Variants in SPON1 observed in about 807,000 individuals in gnomAD.
SPON1 encodes the protein spondin 1.
A neutral mutation model predicts 111.7 loss-of-function variants in SPON1; 52 were observed. That is an observed-to-expected ratio of 0.47 (90% CI 0.37 to 0.59). The LOEUF (loss-of-function observed/expected upper bound fraction) is 0.59. SPON1 is among the 20% of genes least tolerant of loss of function. The probability of loss-of-function intolerance (pLI) is 0.00; values close to 1 mark genes in which losing one functional copy is unlikely to be tolerated. For missense variants in SPON1, 957 were observed against 1,068.5 expected (o/e 0.90, Z 1.46); for synonymous variants, 410 against 395.8 (o/e 1.04, Z -0.43).
intron 2 of SPON1, among the ~76,000 whole-genome samples, chr11:14,019,023 A>G (rs1848462766): frequency 6.6e-6 from 1 of 152,210 alleles, no homozygotes; most frequent in African/African-American, 2.4e-5. Flanking sequence ...AGAGAAGTAC[A>G]AGTCCAAAGA....
chr11:14,059,048 G>A (rs797028827), intron 3 of SPON1, among the ~76,000 whole-genome samples: 6 of 152,296 alleles, frequency 3.9e-5, no homozygotes, highest in African/African-American at 1.4e-4. Flanking sequence ...GATCTTACAA[G>A]CTGTGTCTGT....
chr11:14,043,016 A>T (rs947231944), intron 3 of SPON1, among the ~76,000 whole-genome samples: 2 of 152,238 alleles, frequency 1.3e-5, no homozygotes, highest in Admixed American at 1.3e-4. Context: ...CTGGTCATTA[A>T]GAAAAAATCA....
chr11:14,206,440 C>T (rs781949510), intron 6 of SPON1, among the ~76,000 whole-genome samples: 5 of 152,190 alleles, frequency 3.3e-5, no homozygotes, highest in Non-Finnish European at 5.9e-5. Flanking sequence ...ATCCGCCCAC[C>T]TCAGCCTCCC....
At chr11:14,148,970 C>T (rs150166365) in intron 6 of SPON1, among the ~76,000 whole-genome samples, 5 of 152,352 alleles carry the variant, frequency 3.3e-5, no homozygotes, top group African/African-American at 1.2e-4. Flanking sequence ...CGACAGACTG[C>T]ATCCATGACA....
chr11:14,105,281 C>T (rs1564906358), intron 5 of SPON1, among the ~76,000 whole-genome samples: 1 of 152,116 alleles, frequency 6.6e-6, no homozygotes, highest in Non-Finnish European at 1.5e-5. Flanking sequence ...ACTCCTATCT[C>T]TTCCAGAGCA....
intron 5 of SPON1, among the ~76,000 whole-genome samples, chr11:14,085,502 T>G (rs1848999134): frequency 6.6e-6 from 1 of 152,164 alleles, no homozygotes; most frequent in African/African-American, 2.4e-5. Context: ...GTTCCATTGA[T>G]CTATATATCT....
At chr11:14,044,644 A>G (rs1290845536) in intron 3 of SPON1, among the ~76,000 whole-genome samples, 2 of 152,064 alleles carry the variant, frequency 1.3e-5, no homozygotes, top group Non-Finnish European at 2.9e-5. Flanking sequence ...AATCCATAGC[A>G]TCTCTCTCAA....
intron 2 of SPON1, among the ~76,000 whole-genome samples, chr11:14,033,108 T>C (rs1848570944): frequency 6.6e-6 from 1 of 152,144 alleles, no homozygotes; most frequent in Non-Finnish European, 1.5e-5. Flanking sequence ...AAGACTAGCC[T>C]CTCCTGCTCA....
intron 2 of SPON1, among the ~76,000 whole-genome samples, chr11:14,035,058 T>C (rs1554916472): frequency 1.3e-5 from 2 of 152,166 alleles, no homozygotes; most frequent in African/African-American, 4.8e-5. Context: ...TAAGAACCTG[T>C]TAAGAAAATA....
At chr11:14,223,318 TAC>T (rs1848701263) in intron 6 of SPON1, among the ~76,000 whole-genome samples, 1 of 152,048 alleles carries the variant, frequency 6.6e-6, no homozygotes, top group South Asian at 2.1e-4. Flanking sequence ...GAGCCAAGAT[TAC>T]ACCACTGCAC....
chr11:14,148,598 C>T (rs76878277), intron 6 of SPON1, among the ~76,000 whole-genome samples: 1 of 152,216 alleles, frequency 6.6e-6, no homozygotes, highest in Non-Finnish European at 1.5e-5. Flanking sequence ...AAGAGAGCTA[C>T]AGTCCACCTG....
intron 3 of SPON1, among the ~76,000 whole-genome samples, chr11:14,044,116 A>ATTCC (rs1591360043): frequency 6.6e-6 from 1 of 152,258 alleles, no homozygotes; most frequent in East Asian, 1.9e-4. Flanking sequence ...TAAAGTCATG[A>ATTCC]ATCCATGTAA....
chr11:14,160,926 T>C (rs1847934538), intron 6 of SPON1, among the ~76,000 whole-genome samples: 1 of 33,712 alleles, frequency 3.0e-5, no homozygotes, highest in African/African-American at 1.3e-4. Context: ...TTTATATATT[T>C]ATATATTTAT....
At chr11:14,010,253 AG>A (rs1487848482) in intron 2 of SPON1, among the ~76,000 whole-genome samples, 3 of 152,172 alleles carry the variant, frequency 2.0e-5, no homozygotes, top group Non-Finnish European at 4.4e-5. Flanking sequence ...GACAGAGGGC[AG>A]GCTGGATATC....
intron 2 of SPON1, among the ~76,000 whole-genome samples, chr11:13,993,141 A>G (rs561865912): frequency 6.6e-6 from 1 of 152,088 alleles, no homozygotes; most frequent in African/African-American, 2.4e-5. Context: ...CACAAAATAC[A>G]AACACAACAA....
intron 2 of SPON1, among the ~76,000 whole-genome samples, chr11:13,985,763 T>G (rs547985257): frequency 3.9e-5 from 6 of 152,344 alleles, no homozygotes; most frequent in Non-Finnish European, 7.3e-5. Flanking sequence ...GTTCACTAAG[T>G]TGACTAAGAC....
At chr11:14,150,608 A>C (rs1847775428) in intron 6 of SPON1, among the ~76,000 whole-genome samples, 2 of 152,172 alleles carry the variant, frequency 1.3e-5, no homozygotes, top group South Asian at 4.1e-4. Flanking sequence ...AATAATAATA[A>C]AAGATAAAAG....
intron 13 of SPON1, 90 bp from the exon 14 acceptor site, chr11:14,260,498 G>A: frequency 7.1e-7 from 1 of 1,410,790 alleles, no homozygotes; most frequent in Non-Finnish European, 9.6e-7. Context: ...GGCCAAAGCA[G>A]GGGACTCGGT....
At chr11:14,252,615 A>G (rs540724842) in intron 7 of SPON1, among the ~76,000 whole-genome samples, 2 of 129,120 alleles carry the variant, frequency 1.5e-5, no homozygotes, top group East Asian at 5.2e-4. Flanking sequence ...ATCCAACGCT[A>G]TGTACTTGCC....
Sources: gnomAD v4.1 joint callset for allele counts (sites outside exome capture counted in the v4.1 genomes callset) on GRCh38, gnomAD v4.1.1 for gene constraint, MANE v1.5 for transcripts, NCBI Gene and HGNC (gene_info 2026-07-23, HGNC 2026-07-21) for gene names.